The following CHST9 variants were observed in gnomAD, a reference collection of about 807,000 sequenced individuals.
CHST9 encodes the protein carbohydrate sulfotransferase 9.
In CHST9, 41 loss-of-function variants were observed where a neutral mutation model predicts 44.4. The ratio of observed to expected loss-of-function variants is 0.92; its 90% CI spans 0.72 to 1.20. CHST9 has a LOEUF of 1.20. CHST9 is among the 50% of genes most tolerant of loss of function. The probability of loss-of-function intolerance (pLI) is 0.00; values close to 1 mark genes in which losing one functional copy is unlikely to be tolerated. For missense variants in CHST9, 504 were observed against 516.5 expected, an observed-to-expected ratio of 0.98 and a Z score of 0.23; for synonymous variants, 171 against 178.4, an observed-to-expected ratio of 0.96 and a Z score of 0.33.
intron 2 of CHST9, among the ~76,000 whole-genome samples, chr18:27,091,276 A>G (rs1173379009): frequency 2.6e-5 from 4 of 152,022 alleles, no homozygotes; most frequent in Admixed American, 1.3e-4. Flanking sequence ...GAATGCTTGT[A>G]ATTTTTGCAC....
At chr18:26,992,954 A>C (rs1248580318) in intron 4 of CHST9, among the ~76,000 whole-genome samples, 1 of 152,118 alleles carries the variant, frequency 6.6e-6, no homozygotes, top group African/African-American at 2.4e-5. Context: ...TGAAGTTTTC[A>C]TTTCCTTATA....
At chr18:27,033,324 C>T (rs76980546) in intron 3 of CHST9, among the ~76,000 whole-genome samples, 11 of 152,328 alleles carry the variant, frequency 7.2e-5, no homozygotes, top group Non-Finnish European at 1.5e-4. Context: ...CAAATAATCA[C>T]CTGGATATAC....
intron 4 of CHST9, among the ~76,000 whole-genome samples, chr18:26,995,437 C>CAAA (rs11284514): frequency 3.9e-5 from 4 of 102,678 alleles, no homozygotes; most frequent in East Asian, 2.7e-4. Flanking sequence ...GACTCCGTCT[C>CAAA]AAAAAAAAAA....
intron 1 of CHST9, among the ~76,000 whole-genome samples, chr18:27,183,985 C>T (rs865985086): frequency 9.9e-5 from 15 of 152,202 alleles, no homozygotes; most frequent in Middle Eastern, 3.4e-3. Flanking sequence ...GGCCCCTGTC[C>T]TTCAAACCGA....
chr18:27,028,541 G>A (rs1265531140), intron 3 of CHST9, among the ~76,000 whole-genome samples: 1 of 151,966 alleles, frequency 6.6e-6, no homozygotes, highest in Non-Finnish European at 1.5e-5. Context: ...TAGGAGGCCA[G>A]TAAAAGTAAC....
chr18:26,937,549 C>T (rs1199191361), intron 5 of CHST9, among the ~76,000 whole-genome samples: 3 of 152,140 alleles, frequency 2.0e-5, no homozygotes, highest in South Asian at 2.1e-4. Flanking sequence ...CACTCATCAG[C>T]GGAGTGCCAT....
chr18:27,075,440 TC>T (rs1434640331), intron 2 of CHST9, among the ~76,000 whole-genome samples: 1 of 152,202 alleles, frequency 6.6e-6, no homozygotes, highest in East Asian at 1.9e-4. Flanking sequence ...ACTGGTCTTA[TC>T]TGAAAGTATC....
At chr18:27,138,056 T>C (rs573738670) in intron 2 of CHST9, among the ~76,000 whole-genome samples, 1 of 152,256 alleles carries the variant, frequency 6.6e-6, no homozygotes, top group East Asian at 1.9e-4. Context: ...AGCAATTCTA[T>C]CCCTGACAAC....
At chr18:26,950,560 T>C (rs2056231512) in intron 4 of CHST9, among the ~76,000 whole-genome samples, 1 of 152,146 alleles carries the variant, frequency 6.6e-6, no homozygotes, top group Admixed American at 6.5e-5. Context: ...AATGAAACAA[T>C]GGCATTTGCA....
At chr18:27,153,761 T>C (rs2058677787) in intron 1 of CHST9, among the ~76,000 whole-genome samples, 1 of 152,178 alleles carries the variant, frequency 6.6e-6, no homozygotes, top group Non-Finnish European at 1.5e-5. Context: ...CATATCTTTT[T>C]GGGGTCACCA....
chr18:27,075,468 G>A (rs1291589753), intron 2 of CHST9, among the ~76,000 whole-genome samples: 2 of 152,018 alleles, frequency 1.3e-5, no homozygotes, highest in Admixed American at 6.5e-5. Flanking sequence ...TCTTTCCTAG[G>A]TTCTGATTCA....
At chr18:26,947,644 A>G (rs2056184288) in intron 4 of CHST9, among the ~76,000 whole-genome samples, 1 of 152,224 alleles carries the variant, frequency 6.6e-6, no homozygotes, top group South Asian at 2.1e-4. Flanking sequence ...AAACATATGA[A>G]AAAAGCTCAT....
intron 4 of CHST9, among the ~76,000 whole-genome samples, chr18:26,968,674 C>A (rs2056497689): frequency 6.6e-6 from 1 of 152,098 alleles, no homozygotes; most frequent in Non-Finnish European, 1.5e-5. Context: ...CATTTCATAC[C>A]ATTTTTAGAA....
chr18:27,170,022 C>T (rs530885156), intron 1 of CHST9, among the ~76,000 whole-genome samples: 20 of 152,280 alleles, frequency 1.3e-4, no homozygotes, highest in South Asian at 6.2e-4. Flanking sequence ...ACAAGATTTG[C>T]TTGAGGCAGG....
chr18:27,146,712 A>C (rs942943060), intron 1 of CHST9, among the ~76,000 whole-genome samples: 1 of 152,170 alleles, frequency 6.6e-6, no homozygotes, highest in Non-Finnish European at 1.5e-5. Context: ...CTGAATTTGG[A>C]GCTCCAATAA....
intron 4 of CHST9, among the ~76,000 whole-genome samples, chr18:26,962,810 G>A (rs965430603): frequency 4.6e-5 from 7 of 152,116 alleles, no homozygotes; most frequent in East Asian, 1.9e-4. Context: ...CAGTATCTCC[G>A]CAGGTGTCTG....
At chr18:27,084,100 CT>C (rs558859375) in intron 2 of CHST9, among the ~76,000 whole-genome samples, 5,700 of 142,496 alleles carry the variant, frequency 0.04, 306 homozygotes, top group African/African-American at 0.13. Flanking sequence ...CCCAAAGTTG[CT>C]TTTTTTTTTT....
At chr18:27,058,562 A>G (rs975258966) in intron 2 of CHST9, among the ~76,000 whole-genome samples, 1 of 152,154 alleles carries the variant, frequency 6.6e-6, no homozygotes, top group African/African-American at 2.4e-5. Context: ...TCCAGACACC[A>G]TGTAAGAAAT....
At chr18:27,048,112 G>C (rs2057526159) in intron 3 of CHST9, among the ~76,000 whole-genome samples, 1 of 152,098 alleles carries the variant, frequency 6.6e-6, no homozygotes, top group Admixed American at 6.6e-5. Context: ...AAATAAAATT[G>C]AGATTCATAG....
Sources: gnomAD v4.1 joint callset for allele counts (sites outside exome capture counted in the v4.1 genomes callset) on GRCh38, gnomAD v4.1.1 for gene constraint, MANE v1.5 for transcripts, NCBI Gene and HGNC (gene_info 2026-07-23, HGNC 2026-07-21) for gene names.